The following HDAC9 variants were observed in gnomAD, a reference collection of about 807,000 sequenced individuals.
The protein encoded by HDAC9 is histone deacetylase 9, also known as MEF-2 interacting transcription repressor (MITR) protein.
HDAC9 carries 41 observed loss-of-function variants against 139.4 expected under a neutral mutation model. The ratio of observed to expected loss-of-function variants is 0.29; its 90% CI spans 0.23 to 0.38. HDAC9 has a LOEUF of 0.38. Among genes scored for constraint, HDAC9 ranks in the 10% least tolerant of loss-of-function variants. The pLI, the probability that HDAC9 is intolerant of heterozygous loss-of-function variation, is 1.00. For synonymous variants in HDAC9, 517 were observed against 476.2 expected (o/e 1.09, Z -1.12); for missense variants, 1,147 against 1,297.0 (o/e 0.88, Z 1.78).
chr7:18,451,789 C>T (rs895171372), intron 1 of HDAC9, among the ~76,000 whole-genome samples: 6 of 151,742 alleles, frequency 4.0e-5, no homozygotes, highest in East Asian at 1.9e-4. Context: ...GGAGAACAGG[C>T]GGCACATTTT....
intron 2 of HDAC9, among the ~76,000 whole-genome samples, chr7:18,221,324 C>T (rs901963677): frequency 3.9e-5 from 6 of 151,976 alleles, no homozygotes; most frequent in Middle Eastern, 3.2e-3. Flanking sequence ...AGGCTGGTCT[C>T]GAACTCCTGA....
intron 2 of HDAC9, among the ~76,000 whole-genome samples, chr7:18,522,620 A>C (rs1805445554): frequency 6.6e-6 from 1 of 152,016 alleles, no homozygotes. Flanking sequence ...CAAAAAACAA[A>C]AAAAAAAACA....
intron 2 of HDAC9, among the ~76,000 whole-genome samples, chr7:18,213,291 C>T (rs1792077808): frequency 6.6e-6 from 1 of 152,114 alleles, no homozygotes; most frequent in South Asian, 2.1e-4. Context: ...ATGACCTCCC[C>T]CTCCATTTTT....
chr7:18,799,914 C>G (rs1005528031), intron 17 of HDAC9, among the ~76,000 whole-genome samples: 14 of 152,128 alleles, frequency 9.2e-5, no homozygotes, highest in African/African-American at 3.4e-4. Flanking sequence ...ATTCATGAAG[C>G]TCAGTGCTCC....
intron 2 of HDAC9, among the ~76,000 whole-genome samples, chr7:18,221,106 C>CTTTTTTTTTT (rs537033538): frequency 0.024 from 3,337 of 138,834 alleles, 45 homozygotes; most frequent in African/African-American, 0.03. Context: ...ATTTCTATTC[C>CTTTTTTTTTT]TTTTTTTTTT....
chr7:18,398,541 G>T (rs1407781328), intron 1 of HDAC9, among the ~76,000 whole-genome samples: 1 of 151,886 alleles, frequency 6.6e-6, no homozygotes, highest in Non-Finnish European at 1.5e-5. Flanking sequence ...TGGAAACATT[G>T]TGATGGACTT....
At chr7:18,454,803 G>T (rs540937112) in intron 1 of HDAC9, among the ~76,000 whole-genome samples, 1 of 152,020 alleles carries the variant, frequency 6.6e-6, no homozygotes, top group East Asian at 1.9e-4. Flanking sequence ...CTGTTTTGTT[G>T]TTCTAATTAT....
chr7:18,799,038 A>AACACAC (rs1491338239), intron 17 of HDAC9, among the ~76,000 whole-genome samples: 1 of 143,534 alleles, frequency 7.0e-6, no homozygotes, highest in Non-Finnish European at 1.5e-5. Flanking sequence ...AATGTGCCCT[A>AACACAC]AGACACACAC....
Position 18,699,679 on chromosome 7 carries a change from A to G in HDAC9, c.1732-27901A>G, listed in dbSNP as rs140022759. 3.8e-3 allele frequency among the ~76,000 whole-genome samples: 578 copies of G among 152,064 alleles called. 3 individuals are homozygous for G. The highest frequency in any genetic ancestry group is 0.012 in the African/African-American group (507 of 41,496). Reference sequence around the variant, plus strand: ...TCTGTTATTTGGTCTACATTTCTTGATTTTTCCTAAATGGCTCTTAGAAAT... The same window carrying G: ...TCTGTTATTTGGTCTACATTTCTTGGTTTTTCCTAAATGGCTCTTAGAAAT... On this transcript the variant is annotated intron_variant, in intron 12 of 25. Transcript: ENST00000686413.
chr7:18,165,933 G>A (rs2128129908), intron 2 of HDAC9, among the ~76,000 whole-genome samples: 1 of 152,254 alleles, frequency 6.6e-6, no homozygotes, highest in African/African-American at 2.4e-5. Flanking sequence ...ATGGACCAAA[G>A]AGATTTTTAT....
At chr7:18,857,285 T>C (rs1797755126) in intron 21 of HDAC9, among the ~76,000 whole-genome samples, 1 of 151,768 alleles carries the variant, frequency 6.6e-6, no homozygotes, top group African/African-American at 2.4e-5. Context: ...TAATAGAATG[T>C]AATAGAAGAT....
intron 2 of HDAC9, among the ~76,000 whole-genome samples, chr7:18,182,998 C>G (rs191269168): frequency 1.2e-3 from 182 of 150,006 alleles, no homozygotes; most frequent in African/African-American, 4.3e-3. Context: ...GGCTGCCAGT[C>G]ACTTAACATA....
At chr7:18,353,092 C>T (rs867413662) in intron 1 of HDAC9, among the ~76,000 whole-genome samples, 1 of 152,136 alleles carries the variant, frequency 6.6e-6, no homozygotes, top group Non-Finnish European at 1.5e-5. Context: ...ACAAAACCAA[C>T]TCTTTATGTA....
rs28550369 is a variant in HDAC9 at position 18,681,742 on chromosome 7, C to G, written c.1731+15266C>G. Among the ~76,000 whole-genome samples the G allele has an allele frequency of 5.7e-3, 869 of 152,074 alleles. 12 individuals are homozygous for G. Among genetic ancestry groups the G allele is most frequent in the African/African-American group, 0.02 (835 of 41,524 alleles). On this transcript the variant is annotated intron_variant, in intron 12 of 25. Coordinates refer to ENST00000686413, the MANE Select transcript of HDAC9 (RefSeq NM_178425.4). ...ATGTGCCCATGGACTTAATCCTGCACTAAGAAAGTTAGATTAAGTCACACA... is the reference window on the plus strand; with the variant it reads ...ATGTGCCCATGGACTTAATCCTGCAGTAAGAAAGTTAGATTAAGTCACACA...
At chr7:18,824,062 A>G (rs1399090730) in intron 17 of HDAC9, among the ~76,000 whole-genome samples, 6 of 147,244 alleles carry the variant, frequency 4.1e-5, no homozygotes, top group African/African-American at 1.5e-4. Flanking sequence ...AAGAAGAAGA[A>G]GAAGAAGAAG....
chr7:18,626,143 C>T lies in HDAC9; in HGVS notation c.665-3207C>T, dbSNP rs1482351947. ...TAGCAATAGTGGGAGGTCATTCCCACAAAGAAGAGAGGGGAGGAAATTTTT... is the reference window on the plus strand; with the variant it reads ...TAGCAATAGTGGGAGGTCATTCCCATAAAGAAGAGAGGGGAGGAAATTTTT... On this transcript the variant is annotated intron_variant, in intron 6 of 25. Coordinates refer to ENST00000686413, the MANE Select transcript of HDAC9 (RefSeq NM_178425.4). 2.0e-5 allele frequency among the ~76,000 whole-genome samples: 3 copies of T among 151,820 alleles called. No individual in the cohort carries two copies. In the East Asian group the frequency reaches 5.8e-4, roughly 29 times the overall value.
chr7:18,383,447 T>G (rs935662808), intron 1 of HDAC9, among the ~76,000 whole-genome samples: 4 of 152,156 alleles, frequency 2.6e-5, no homozygotes, highest in African/African-American at 9.7e-5. Context: ...AGGTATATGA[T>G]AAAACTGGCA....
intron 21 of HDAC9, among the ~76,000 whole-genome samples, chr7:18,847,065 GCCTCCCTGGTAC>G (rs1297520172): frequency 1.3e-5 from 2 of 152,176 alleles, no homozygotes; most frequent in African/African-American, 4.8e-5. Flanking sequence ...GCTGGGCTGG[GCCTCCCTGGTAC>G]CCTTAATTAC....
chr7:18,544,852 A>T (rs1259067927), intron 2 of HDAC9, among the ~76,000 whole-genome samples: 1 of 152,200 alleles, frequency 6.6e-6, no homozygotes, highest in Non-Finnish European at 1.5e-5. Flanking sequence ...TCCTTGGCAA[A>T]TGTTGACTTA....
Sources: allele counts gnomAD v4.1 joint callset (sites outside exome capture counted in the v4.1 genomes callset), GRCh38; gene constraint gnomAD v4.1.1; transcripts MANE v1.5; gene names NCBI Gene and HGNC (gene_info 2026-07-23, HGNC 2026-07-21).